Variants in NSMCE4A observed in about 807,000 individuals in gnomAD.
NSMCE4A encodes non-structural maintenance of chromosomes element 4 homolog A.
Under a neutral mutation model 47.9 loss-of-function variants are expected in NSMCE4A, and 40 were observed. That is an observed-to-expected ratio of 0.83 (90% CI 0.65 to 1.09). The LOEUF (loss-of-function observed/expected upper bound fraction) is 1.09, where lower values mean the gene tolerates loss of function less well. NSMCE4A is among the 50% of genes least tolerant of loss of function. The pLI is 0.00. For synonymous variants in NSMCE4A, 166 were observed against 178.5 expected (o/e 0.93, Z 0.56); for missense variants, 500 against 507.0 (o/e 0.99, Z 0.13).
chr10:121,969,481 G>A (rs1172691934), intron 3 of NSMCE4A, among the ~76,000 whole-genome samples: 1 of 135,958 alleles, frequency 7.4e-6, no homozygotes, highest in African/African-American at 2.8e-5. Flanking sequence ...AGTGCATTAT[G>A]TTTCACAATA....
intron 3 of NSMCE4A, among the ~76,000 whole-genome samples, chr10:121,969,860 C>T (rs561178739): frequency 2.0e-5 from 3 of 152,196 alleles, no homozygotes; most frequent in East Asian, 2.0e-4. Context: ...GGATTACAGG[C>T]GCCTGCCACC....
intron 4 of NSMCE4A, chr10:121,966,103 A>C (rs1404765090): frequency 6.6e-6 from 1 of 152,200 alleles, no homozygotes; most frequent in Non-Finnish European, 1.5e-5. Flanking sequence ...AAATTAATCA[A>C]ATTTTAAAAA....
intron 4 of NSMCE4A, chr10:121,965,713 G>A (rs1174113293): frequency 1.8e-5 from 4 of 221,972 alleles, no homozygotes; most frequent in Admixed American, 1.1e-4. Context: ...ACTTCTAAGA[G>A]CAGGGGAAGG....
chr10:121,965,556 G>C (rs1053870716), intron 4 of NSMCE4A, among the ~76,000 whole-genome samples, 171 bp from the exon 5 acceptor site: 1 of 152,124 alleles, frequency 6.6e-6, no homozygotes, highest in African/African-American at 2.4e-5. Flanking sequence ...CAGCCTTTCT[G>C]CCTTCTTTGT....
At position 121,967,647 on chromosome 10, in the gene NSMCE4A, A is replaced by C; in HGVS notation, c.653+8T>G. ...AACTGGTCTGTTGGATTTTTAAAATAATCTTACAGAAAGTGGAATGTATGG... is the reference window on the plus strand; with the variant it reads ...AACTGGTCTGTTGGATTTTTAAAATCATCTTACAGAAAGTGGAATGTATGG... On this transcript the variant is annotated splice_region_variant and intron_variant, in intron 4 of 10. Coordinates refer to ENST00000369023, the MANE Select transcript of NSMCE4A (RefSeq NM_017615.3). 1 of 1,599,888 alleles carries C rather than the reference A, an allele frequency of 6.3e-7. No individual in the cohort carries two copies. Among genetic ancestry groups the C allele is most frequent in the Non-Finnish European group, 8.5e-7 (1 of 1,176,606 alleles).
chr10:121,963,371 C>A, intron 5 of NSMCE4A, 43 bp from the exon 6 acceptor site: 1 of 1,156,380 alleles, frequency 8.6e-7, no homozygotes. Context: ...ACTTACTGGC[C>A]TATTAACGTT....
chr10:121,967,569 A>G, intron 4 of NSMCE4A, 86 bp downstream of exon 4: 1 of 1,410,536 alleles, frequency 7.1e-7, no homozygotes, highest in Non-Finnish European at 9.6e-7. Context: ...TCACCTCTAC[A>G]ATACCAAATA....
chr10:121,966,207 TG>T (rs770182176), intron 4 of NSMCE4A: 3 of 152,130 alleles, frequency 2.0e-5, no homozygotes, highest in Non-Finnish European at 4.4e-5. Context: ...GGGAGTGACG[TG>T]GTTGAGAAAT....
At chr10:121,959,805 G>A (rs1952465997) in intron 8 of NSMCE4A, 4 of 577,082 alleles carry the variant, frequency 6.9e-6, no homozygotes, top group Admixed American at 3.1e-5. Flanking sequence ...CAAAAAACAT[G>A]TAGTAGAGTA....
intron 2 of NSMCE4A, among the ~76,000 whole-genome samples, chr10:121,973,685 T>C (rs749888378): frequency 5.3e-5 from 8 of 152,104 alleles, no homozygotes; most frequent in Non-Finnish European, 7.3e-5. Context: ...ACTCAACCAA[T>C]GTATACTAGG....
chr10:121,959,603 A>G lies in NSMCE4A; in HGVS notation c.989-8T>C. ...CATTAATACTAACAGGCTCTGTTTG[A>G]AAGACAAATTTTTCAAATTTATCAA... On this transcript the variant is annotated splice_region_variant and splice_polypyrimidine_tract_variant and intron_variant, in intron 8 of 10. Transcript: ENST00000369023. 1 of 1,605,592 alleles carries G rather than the reference A, an allele frequency of 6.2e-7. No homozygotes were observed. Among genetic ancestry groups the G allele is most frequent in the East Asian group, 2.2e-5 (1 of 44,852 alleles).
chr10:121,960,009 C>A lies in NSMCE4A; in HGVS notation c.988+349G>T. The A allele has an allele frequency of 3.9e-6, 1 of 258,446 alleles. No homozygotes were observed. Among genetic ancestry groups the A allele is most frequent in the Non-Finnish European group, 7.2e-6 (1 of 139,102 alleles). 16.0% of individuals were successfully genotyped at this position (258,446 alleles called of 1,614,324 possible). A position where few individuals can be genotyped will look rare whatever the true frequency, so the allele number is the denominator to read the frequency against. ...ATTATTCAGGTAAGAATGAAAGATT[C>A]ATAGAACCTCAAAGAGAAAAGAAGG... On this transcript the variant is annotated intron_variant, in intron 8 of 10. Transcript: ENST00000369023. The surrounding 1 kb of genome is among the most constrained non-coding windows in gnomAD (Gnocchi z 4.2).
intron 10 of NSMCE4A, 103 bp downstream of exon 10, chr10:121,959,220 AG>A: frequency 1.1e-6 from 1 of 922,900 alleles, no homozygotes. Flanking sequence ...GGGGCACTAC[AG>A]GGAGGCAAAA....
intron 2 of NSMCE4A, among the ~76,000 whole-genome samples, chr10:121,971,723 C>T (rs1005716163): frequency 1.3e-5 from 2 of 152,176 alleles, no homozygotes; most frequent in Admixed American, 6.5e-5. Flanking sequence ...TGTGTGCTGA[C>T]GTAAGGAAAA....
intron 3 of NSMCE4A, among the ~76,000 whole-genome samples, chr10:121,968,548 T>C (rs762462158): frequency 1.4e-4 from 22 of 152,222 alleles, no homozygotes; most frequent in South Asian, 2.1e-4. Context: ...ATGGCTCATC[T>C]TAAAATTGCC....
At chr10:121,962,582 A>G (rs897080837) in intron 6 of NSMCE4A, among the ~76,000 whole-genome samples, 6 of 150,862 alleles carry the variant, frequency 4.0e-5, no homozygotes, top group African/African-American at 1.5e-4. Flanking sequence ...AAGAATGTGC[A>G]TATTATGATT....
At position 121,964,070 on chromosome 10, in the gene NSMCE4A, C is replaced by T. The variant is rs1346440382; in HGVS notation, c.754-742G>A. The stretch of plus-strand genomic sequence containing the variant: ...GAGATCGCGCCACTGCACTCCAGCC[C>T]GGGTGATAGGGCAAGACTCTGTCTC... On this transcript the variant is annotated intron_variant, in intron 5 of 10. Transcript: ENST00000369023. Among the ~76,000 whole-genome samples the T allele has an allele frequency of 1.1e-4, 13 of 113,880 alleles. No individual in the cohort carries two copies. In the East Asian group the frequency reaches 1.9e-3, roughly 16 times the overall value. 74.7% of individuals were successfully genotyped at this position (113,880 alleles called of 152,430 possible).
chr10:121,969,290 G>A (rs189011300), intron 3 of NSMCE4A, among the ~76,000 whole-genome samples: 1 of 152,036 alleles, frequency 6.6e-6, no homozygotes, highest in Non-Finnish European at 1.5e-5. Flanking sequence ...AGCTGAGATC[G>A]TGCCACTGCA....
In NSMCE4A at chr10:121,959,381, C is replaced by G; in HGVS notation, c.1113G>C (p.Glu371Asp). The G allele has an allele frequency of 1.2e-6, 2 of 1,614,210 alleles. No individual in the cohort carries two copies. Among genetic ancestry groups the G allele is most frequent in the Non-Finnish European group, 1.7e-6 (2 of 1,180,042 alleles). ...EEIVKTFEIS[E>D]PVITPSQRQQ... is the part of the protein sequence containing the mutation. ...GCCTCTGACTTGGAGTAATCACAGG[C>G]TCTGAAATCTCAAAGGTCTTCACAA... The change falls in exon 10 of 11, where the codon GAG becomes GAC. Residue 371 changes from glutamate to aspartate, a missense_variant. Transcript: ENST00000369023.
Sources: allele counts gnomAD v4.1 joint callset (sites outside exome capture counted in the v4.1 genomes callset), GRCh38; gene constraint gnomAD v4.1.1; non-coding constraint Gnocchi (gnomAD v3.1); transcripts MANE v1.5; gene names NCBI Gene and HGNC (gene_info 2026-07-23, HGNC 2026-07-21).